Variants in DHX35 observed in about 807,000 individuals in gnomAD.
DHX35 encodes probable ATP-dependent RNA helicase DHX35.
In DHX35, 84 loss-of-function variants were observed where a neutral mutation model predicts 99.6. The ratio of observed to expected loss-of-function variants is 0.84; its 90% CI spans 0.71 to 1.01. DHX35 has a LOEUF of 1.01. Among genes scored for constraint, DHX35 ranks in the 50% least tolerant of loss-of-function variants. DHX35 has a pLI of 0.00. For missense variants in DHX35, 852 were observed against 888.5 expected (o/e 0.96, Z 0.52); for synonymous variants, 331 against 316.2 (o/e 1.05, Z -0.50).
intron 3 of DHX35, among the ~76,000 whole-genome samples, chr20:38,973,047 A>G (rs561812310): frequency 6.6e-6 from 1 of 152,392 alleles, no homozygotes; most frequent in South Asian, 2.1e-4. Context: ...ACCCTTTCTT[A>G]CTAGGAAAAA....
At chr20:38,974,502 G>C (rs1455826978) in intron 3 of DHX35, among the ~76,000 whole-genome samples, 1 of 152,206 alleles carries the variant, frequency 6.6e-6, no homozygotes, top group African/African-American at 2.4e-5. Context: ...AAATGTGATA[G>C]AAAAGTAAAG....
chr20:39,003,973 T>C (rs2086569373), intron 11 of DHX35, 66 bp downstream of exon 11: 1 of 1,577,714 alleles, frequency 6.3e-7, no homozygotes, highest in Admixed American at 1.7e-5. Flanking sequence ...CTCCTTTACT[T>C]GTTTTGAAAC....
chr20:38,988,287 T>C (rs731345), intron 4 of DHX35, among the ~76,000 whole-genome samples: 23,004 of 152,196 alleles, frequency 0.15, 1,861 homozygotes, highest in East Asian at 0.3. Context: ...TCATTGTGTA[T>C]GTTCTTATAA....
At position 38,992,387 on chromosome 20, in the gene DHX35, AC is replaced by A; in HGVS notation, c.546del (p.Leu183CysfsTer10). 6.2e-7 allele frequency: 1 copy of A among 1,614,056 alleles called. No homozygotes were observed. Among genetic ancestry groups the A allele is most frequent in the Non-Finnish European group, 8.5e-7 (1 of 1,179,986 alleles). On this transcript the variant is annotated frameshift_variant, in exon 7 of 22. Coordinates refer to ENST00000252011, the MANE Select transcript of DHX35 (RefSeq NM_021931.4). LOFTEE classifies it high-confidence loss of function. ...CATGCTGGATGAAGCCCACGAGAGG[AC>A]CTTGTACACTGACATTGCCATTGGC... ...VIMLDEAHER[T>X]LYTDIAIGLL...
chr20:38,974,908 G>A (rs2086053605), intron 3 of DHX35, among the ~76,000 whole-genome samples: 1 of 152,202 alleles, frequency 6.6e-6, no homozygotes, highest in South Asian at 2.1e-4. Flanking sequence ...GGGAGCAGGA[G>A]AACTGGTTCA....
intron 3 of DHX35, among the ~76,000 whole-genome samples, chr20:38,976,709 A>G (rs2086084996): frequency 6.6e-6 from 1 of 152,120 alleles, no homozygotes; most frequent in Non-Finnish European, 1.5e-5. Flanking sequence ...CTATATAACT[A>G]TAACTCTGTG....
chr20:39,000,688 C>T (rs2086504351), intron 8 of DHX35, among the ~76,000 whole-genome samples: 1 of 152,166 alleles, frequency 6.6e-6, no homozygotes, highest in South Asian at 2.1e-4. Flanking sequence ...TCCTGGGCTC[C>T]TGGGTTTCCT....
At chr20:38,992,582 T>C (rs1292174924) in intron 7 of DHX35, among the ~76,000 whole-genome samples, 157 bp downstream of exon 7, 2 of 150,816 alleles carry the variant, frequency 1.3e-5, no homozygotes, top group Admixed American at 6.6e-5. Flanking sequence ...TGGTAGAATG[T>C]TGGTATATTT....
chr20:38,979,083 T>G (rs1318001903), intron 3 of DHX35, among the ~76,000 whole-genome samples: 1 of 152,234 alleles, frequency 6.6e-6, no homozygotes, highest in Admixed American at 6.5e-5. Flanking sequence ...CATGCTGTTT[T>G]GTTTATAGCT....
chr20:39,006,235 C>T lies in DHX35; in HGVS notation c.1101C>T (p.Ala367=), dbSNP rs2145904274. The T allele has an allele frequency of 1.2e-6, 2 of 1,614,188 alleles. No homozygotes were observed. The highest frequency in any genetic ancestry group is 1.7e-6 in the Non-Finnish European group (2 of 1,180,022). ...VIDCGFVKLR[A]YNPRTAIECL... ...ACTGTGGCTTTGTGAAACTCCGAGC[C>T]TACAATCCCAGGACAGCTATTGAAT... The change falls in exon 12 of 22, where the codon GCC becomes GCT. Residue 367 remains alanine (A), a synonymous_variant. Coordinates refer to ENST00000252011, the MANE Select transcript of DHX35 (RefSeq NM_021931.4).
intron 14 of DHX35, among the ~76,000 whole-genome samples, chr20:39,016,323 A>G (rs1162077436): frequency 6.6e-6 from 1 of 152,180 alleles, no homozygotes; most frequent in Non-Finnish European, 1.5e-5. Context: ...TACACTTCCC[A>G]GTAGGCCCCA....
At chr20:38,986,296 T>C (rs2086248603) in intron 4 of DHX35, among the ~76,000 whole-genome samples, 1 of 151,964 alleles carries the variant, frequency 6.6e-6, no homozygotes, top group Non-Finnish European at 1.5e-5. Flanking sequence ...ACTAAAGTGA[T>C]AGAGATAAAA....
intron 7 of DHX35, among the ~76,000 whole-genome samples, chr20:38,993,817 T>C (rs1259080048): frequency 6.6e-6 from 1 of 152,114 alleles, no homozygotes; most frequent in African/African-American, 2.4e-5. Context: ...ACATAGGTAC[T>C]GTATATTGTG....
rs545804026 is a variant in DHX35 at position 39,037,478 on chromosome 20, C to T, written c.2068-1021C>T. ...GTCCTGTTCGCTCTGTTGTCTCTCACGTCATACCTGGTGGTGCGCTGTGTC... is the reference window on the plus strand; with the variant it reads ...GTCCTGTTCGCTCTGTTGTCTCTCATGTCATACCTGGTGGTGCGCTGTGTC... On this transcript the variant is annotated intron_variant, in intron 21 of 21. Transcript: ENST00000252011. Among the ~76,000 whole-genome samples the T allele has an allele frequency of 1.4e-4, 21 of 152,276 alleles. No homozygotes were observed. The South Asian group carries it at 2.9e-3, about 21-fold the overall frequency.
intron 10 of DHX35, 113 bp from the exon 11 acceptor site, chr20:39,003,636 G>C (rs2086560531): frequency 1.6e-6 from 2 of 1,282,444 alleles, no homozygotes; most frequent in East Asian, 4.7e-5. Context: ...TGAAATTCTT[G>C]AATCTGACCA....
chr20:39,006,104 A>G, intron 11 of DHX35, 42 bp from the exon 12 acceptor site: 4 of 1,589,210 alleles, frequency 2.5e-6, no homozygotes, highest in Non-Finnish European at 3.4e-6. Flanking sequence ...AAAAGCAAAA[A>G]GAATAAAATG....
chr20:39,014,380 A>G (rs201711003), intron 13 of DHX35, among the ~76,000 whole-genome samples: 1 of 152,180 alleles, frequency 6.6e-6, no homozygotes, highest in Admixed American at 6.5e-5. Context: ...CAGATTCGAC[A>G]TATGTTGTAG....
At chr20:38,992,521 A>T (rs1601397768) in intron 7 of DHX35, 96 bp downstream of exon 7, 1 of 1,159,540 alleles carries the variant, frequency 8.6e-7, no homozygotes, top group African/African-American at 1.5e-5. Flanking sequence ...ACAAAATACC[A>T]AGGAAGAAAA....
At chr20:39,025,146 A>G in intron 17 of DHX35, 84 bp from the exon 18 acceptor site, 4 of 1,453,524 alleles carry the variant, frequency 2.8e-6, no homozygotes, top group Non-Finnish European at 2.8e-6. Flanking sequence ...CACATGGGGG[A>G]AGAGAGAAGA....
Sources: allele counts gnomAD v4.1 joint callset (sites outside exome capture counted in the v4.1 genomes callset), GRCh38; gene constraint gnomAD v4.1.1; transcripts MANE v1.5; gene names NCBI Gene and HGNC (gene_info 2026-07-23, HGNC 2026-07-21).